The following MET variants were observed in gnomAD, a reference collection of about 807,000 sequenced individuals.
MET encodes the protein hepatocyte growth factor receptor.
MET carries 48 observed loss-of-function variants against 133.1 expected under a neutral mutation model. The observed-to-expected ratio is 0.36, with a 90% CI of 0.29 to 0.46. The LOEUF (loss-of-function observed/expected upper bound fraction) is 0.46. Ranked by LOEUF, MET falls within the 20% of genes least tolerant of loss-of-function variation. The pLI, the probability that MET is intolerant of heterozygous loss-of-function variation, is 1.00. For synonymous variants in MET, 628 were observed against 616.5 expected, an observed-to-expected ratio of 1.02 and a Z score of -0.28; for missense variants, 1,442 against 1,695.9, an observed-to-expected ratio of 0.85 and a Z score of 2.63.
intron 2 of MET, among the ~76,000 whole-genome samples, chr7:116,707,114 GCAGA>G (rs1791826636): frequency 1.3e-5 from 2 of 151,932 alleles, no homozygotes. Flanking sequence ...TAATGTTGGA[GCAGA>G]CAAAGTGTAG....
chr7:116,681,577 T>C (rs543580693), intron 1 of MET, among the ~76,000 whole-genome samples: 2 of 152,354 alleles, frequency 1.3e-5, no homozygotes, highest in Admixed American at 6.5e-5. Context: ...TTTTCTATTC[T>C]AAATACGAAT....
At chr7:116,687,263 C>T (rs1478445084) in intron 1 of MET, among the ~76,000 whole-genome samples, 1 of 152,160 alleles carries the variant, frequency 6.6e-6, no homozygotes, top group African/African-American at 2.4e-5. Context: ...GTTGTCCTAA[C>T]CTTTTGCTTT....
At chr7:116,776,273 C>T (rs2299440) in intron 15 of MET, among the ~76,000 whole-genome samples, 26,037 of 152,102 alleles carry the variant, frequency 0.17, 2,348 homozygotes, top group East Asian at 0.28. Flanking sequence ...CACCCCAGAG[C>T]GTAATCCTTT....
intron 2 of MET, among the ~76,000 whole-genome samples, chr7:116,716,741 T>G (rs536505958): frequency 6.6e-6 from 1 of 152,160 alleles, no homozygotes; most frequent in Non-Finnish European, 1.5e-5. Flanking sequence ...TCGGAAGAGA[T>G]GGCAACGGGG....
At chr7:116,779,332 G>C (rs1045809520) in intron 17 of MET, among the ~76,000 whole-genome samples, 1 of 152,180 alleles carries the variant, frequency 6.6e-6, no homozygotes, top group Non-Finnish European at 1.5e-5. Context: ...ATTAACTCCA[G>C]ATGCGTTCCT....
chr7:116,747,709 C>T (rs144121012), intron 5 of MET, among the ~76,000 whole-genome samples: 4 of 152,140 alleles, frequency 2.6e-5, no homozygotes, highest in African/African-American at 9.7e-5. Flanking sequence ...CAACATCAGA[C>T]AGATCAAGGA....
chr7:116,715,242 T>C (rs2237714), intron 2 of MET, among the ~76,000 whole-genome samples: 45,617 of 152,072 alleles, frequency 0.3, 7,420 homozygotes, highest in African/African-American at 0.44. Flanking sequence ...AAATTTATCC[T>C]CACATGGTTC....
chr7:116,707,576 T>C (rs1201130135), intron 2 of MET, among the ~76,000 whole-genome samples: 1 of 152,198 alleles, frequency 6.6e-6, no homozygotes, highest in African/African-American at 2.4e-5. Context: ...ATTTGTATGA[T>C]ATTAAATTTT....
In MET at chr7:116,740,951, G is replaced by A. The variant is rs763991073; in HGVS notation, c.1627G>A (p.Asp543Asn). The A allele has an allele frequency of 6.2e-6, 10 of 1,613,890 alleles. No homozygotes were observed. Among genetic ancestry groups the A allele is most frequent in the South Asian group, 3.3e-5 (3 of 91,064 alleles). Residue 543 changes from aspartate to asparagine, a missense_variant, in exon 5 of 21, where the codon GAC (aspartate) becomes AAC (asparagine). Coordinates refer to ENST00000397752, the MANE Select transcript of MET (RefSeq NM_000245.4). Reference sequence around the variant, plus strand: ...CTTTGTTCAGTGTGGCTGGTGCCACGACAAATGTGTGCGATCGGAGGAATG... The same window carrying A: ...CTTTGTTCAGTGTGGCTGGTGCCACAACAAATGTGTGCGATCGGAGGAATG... ...PPFVQCGWCH[D>N]KCVRSEECLS...
chr7:116,777,405 A>T lies in MET; in HGVS notation c.3276A>T (p.Val1092=), dbSNP rs757338659. 35 of 1,613,772 alleles carry T rather than the reference A, an allele frequency of 2.2e-5. No individual in the cohort carries two copies. The highest frequency in any genetic ancestry group is 2.9e-5 in the Non-Finnish European group (34 of 1,179,844). ...EVIGRGHFGC[V]YHGTLLDNDG... The stretch of plus-strand genomic sequence containing the variant: ...TTTGCACAGGGCATTTTGGTTGTGT[A>T]TATCATGGGACTTTGTTGGACAATG... The change falls in exon 16 of 21, where the codon GTA becomes GTT. Residue 1092 remains valine (V), a synonymous_variant. Coordinates refer to ENST00000397752, the MANE Select transcript of MET (RefSeq NM_000245.4).
At position 116,755,041 on chromosome 7, in the gene MET, A is replaced by G. The variant is rs542048185; in HGVS notation, c.1702-314A>G. Among the ~76,000 whole-genome samples the G allele has an allele frequency of 2.4e-4, 9 of 37,400 alleles. No individual in the cohort carries two copies. In the East Asian group the frequency reaches 5.9e-3, roughly 25 times the overall value. 24.5% of individuals were successfully genotyped at this position (37,400 alleles called of 152,430 possible). ...GAAAGAAAGAAAGAAAGAAAGAAAG[A>G]AAAGAAAGAAAGAACGGAAGGACTC... On this transcript the variant is annotated intron_variant, in intron 5 of 20. Coordinates refer to ENST00000397752, the MANE Select transcript of MET (RefSeq NM_000245.4).
chr7:116,737,646 C>G (rs183162565), intron 3 of MET, among the ~76,000 whole-genome samples: 1 of 152,012 alleles, frequency 6.6e-6, no homozygotes, highest in Non-Finnish European at 1.5e-5. Flanking sequence ...AATAAAATCT[C>G]CATTTAAAGC....
At chr7:116,693,977 C>T (rs766655052) in intron 1 of MET, among the ~76,000 whole-genome samples, 34 of 152,306 alleles carry the variant, frequency 2.2e-4, no homozygotes, top group Admixed American at 3.9e-4. Context: ...AAAATACAGG[C>T]TTAGACTTAC....
At position 116,778,957 on chromosome 7, in the gene MET, T is replaced by C. The variant is rs146651797; in HGVS notation, c.3522T>C (p.His1174=). ...DLRNFIRNET[H]NPTVKDLIGF... is the part of the protein sequence containing the mutation. ...GAAATTTCATTCGAAATGAGACTCA[T>C]GTAAGTTGACTGCCAAGCTTACTAA... The change falls in exon 17 of 21, where the codon CAT becomes CAC. Residue 1174 remains histidine, a splice_region_variant and synonymous_variant. Transcript: ENST00000397752. 4.4e-4 allele frequency: 702 copies of C among 1,613,674 alleles called. 3 individuals are homozygous for C. The African/African-American group carries it at 8.0e-3, about 18-fold the overall frequency.
intron 3 of MET, among the ~76,000 whole-genome samples, chr7:116,734,392 T>G (rs1472239992): frequency 5.3e-5 from 8 of 152,238 alleles, no homozygotes; most frequent in African/African-American, 1.9e-4. Context: ...CAGCTCTGGC[T>G]GGGAACACAA....
At chr7:116,724,685 A>G in intron 2 of MET, 1 of 538,218 alleles carries the variant, frequency 1.9e-6, no homozygotes, top group South Asian at 1.5e-5. Flanking sequence ...AATCGGAAAA[A>G]AAATCAGCAA....
At chr7:116,726,333 G>A (rs545904481) in intron 2 of MET, among the ~76,000 whole-genome samples, 16 of 150,320 alleles carry the variant, frequency 1.1e-4, no homozygotes, top group African/African-American at 3.2e-4. Flanking sequence ...TCTTTCCTTT[G>A]CCTGTAGTTG....
intron 19 of MET, among the ~76,000 whole-genome samples, chr7:116,795,167 ATGT>A (rs911208250): frequency 6.6e-6 from 1 of 152,092 alleles, no homozygotes; most frequent in African/African-American, 2.4e-5. Context: ...ATTTTTACTT[ATGT>A]TGATTTAGAC....
At chr7:116,724,132 G>C (rs575380383) in intron 2 of MET, 5 of 174,002 alleles carry the variant, frequency 2.9e-5, no homozygotes, top group Admixed American at 6.2e-5. Flanking sequence ...AGCAATCAGC[G>C]GGACTCCGTG....
Sources: gnomAD v4.1 joint callset for allele counts (sites outside exome capture counted in the v4.1 genomes callset) on GRCh38, gnomAD v4.1.1 for gene constraint, MANE v1.5 for transcripts, NCBI Gene and HGNC (gene_info 2026-07-23, HGNC 2026-07-21) for gene names.